Variants in ADAMTS16 observed in about 807,000 individuals in gnomAD.
ADAMTS16 encodes the protein ADAM metallopeptidase with thrombospondin type 1 motif 16, also known as A disintegrin and metalloproteinase with thrombospondin motifs 16.
A neutral mutation model predicts 145.8 loss-of-function variants in ADAMTS16; 94 were observed. The ratio of observed to expected loss-of-function variants is 0.64; its 90% confidence interval spans 0.55 to 0.77. The LOEUF (loss-of-function observed/expected upper bound fraction) is 0.77. Among genes scored for constraint, ADAMTS16 ranks in the 30% least tolerant of loss-of-function variants. ADAMTS16 has a pLI of 0.00. For synonymous variants in ADAMTS16, 659 were observed against 604.3 expected, an observed-to-expected ratio of 1.09 and a Z score of -1.33; for missense variants, 1,585 against 1,591.5, an observed-to-expected ratio of 1.00 and a Z score of 0.07.
rs1735490391 is a variant in ADAMTS16, at chr5:5,186,148, A to G, written c.860A>G (p.Asn287Ser). ...CGCTCTCTTCTGAGGTCCCATAGAA[A>G]TGAAGAACTGAACGTGGAGACCTTG... is the stretch of plus-strand genomic sequence containing the variant. ...HKRSLLRSHR[N>S]EELNVETLVV... The change falls in exon 5 of 23, where the codon AAT becomes AGT. Residue 287 changes from asparagine (N) to serine (S), a missense_variant. By Grantham distance (46) the Asn-to-Ser change is conservative. Transcript: ENST00000274181. 9 of 1,614,140 alleles carry G rather than the reference A, an allele frequency of 5.6e-6. No homozygotes were observed. Among genetic ancestry groups the G allele is most frequent in the Non-Finnish European group, 6.8e-6 (8 of 1,180,030 alleles).
chr5:5,238,427 A>T (rs1053987184), intron 14 of ADAMTS16, among the ~76,000 whole-genome samples: 1 of 152,192 alleles, frequency 6.6e-6, no homozygotes, highest in Non-Finnish European at 1.5e-5. Context: ...TGGGATTCTC[A>T]TATGCATTTC....
At chr5:5,286,147 C>A (rs1388216226) in intron 18 of ADAMTS16, among the ~76,000 whole-genome samples, 1 of 152,154 alleles carries the variant, frequency 6.6e-6, no homozygotes, top group Non-Finnish European at 1.5e-5. Flanking sequence ...AGAATGAGGT[C>A]TTTAAATACA....
At chr5:5,283,408 G>A (rs1035224127) in intron 18 of ADAMTS16, among the ~76,000 whole-genome samples, 2 of 152,146 alleles carry the variant, frequency 1.3e-5, no homozygotes, top group African/African-American at 4.8e-5. Context: ...GTTGACAAAT[G>A]TGTTTTTTAA....
At chr5:5,222,659 T>G in intron 10 of ADAMTS16, 130 bp from the exon 11 acceptor site, 2 of 703,954 alleles carry the variant, frequency 2.8e-6, no homozygotes, top group Non-Finnish European at 4.9e-6. Context: ...TATGCTATCA[T>G]ATTGCTAAGT....
rs11296432 is a variant in ADAMTS16, at chr5:5,254,606, AT to A, written c.2663-8050del. Among the ~76,000 whole-genome samples, 614 of 152,314 alleles carry A rather than the reference AT, an allele frequency of 4.0e-3. 3 individuals are homozygous for A. Among genetic ancestry groups the A allele is most frequent in the African/African-American group, 0.014 (583 of 41,576 alleles). On this transcript the variant is annotated intron_variant, in intron 17 of 22. Coordinates refer to ENST00000274181, the MANE Select transcript of ADAMTS16 (RefSeq NM_139056.4). ...TGTTTCATTAATATTTTTATAAAAA[AT>A]AGAGGGTAAATTTATGAAATGCTGA...
chr5:5,170,263 G>A (rs1024208464), intron 3 of ADAMTS16, among the ~76,000 whole-genome samples: 4 of 152,062 alleles, frequency 2.6e-5, no homozygotes, highest in Non-Finnish European at 5.9e-5. Flanking sequence ...ATAATATCAC[G>A]CTGTAGTTTT....
In ADAMTS16 at chr5:5,303,273, C is replaced by T. The variant is rs1466520997; in HGVS notation, c.2795C>T (p.Ser932Phe). 6.4e-7 allele frequency: 1 copy of T among 1,565,578 alleles called. No homozygotes were observed. Among genetic ancestry groups the T allele is most frequent in the Non-Finnish European group, 8.7e-7 (1 of 1,153,216 alleles). Residue 932 changes from serine (S) to phenylalanine (F), a missense_variant, in exon 19 of 23, where the codon TCC becomes TTC. Ser to Phe is a radical substitution (Grantham distance 155). Coordinates refer to ENST00000274181, the MANE Select transcript of ADAMTS16 (RefSeq NM_139056.4). ...CKVSACPPSW[S>F]VGNWSACSRT... Reference sequence around the variant, plus strand: ...GTCTCTTTGTCCCTGCCCAGCTGGTCCGTGGGGAACTGGAGTGCCTGCAGT... The same window carrying T: ...GTCTCTTTGTCCCTGCCCAGCTGGTTCGTGGGGAACTGGAGTGCCTGCAGT...
intron 6 of ADAMTS16, among the ~76,000 whole-genome samples, chr5:5,188,631 G>T (rs1735576519): frequency 6.6e-6 from 1 of 152,160 alleles, no homozygotes; most frequent in East Asian, 1.9e-4. Context: ...TTTAGCTACA[G>T]TTTTCTTATT....
intron 8 of ADAMTS16, among the ~76,000 whole-genome samples, chr5:5,193,800 G>A (rs1464049599): frequency 6.6e-6 from 1 of 152,162 alleles, no homozygotes; most frequent in Non-Finnish European, 1.5e-5. Context: ...TCAGAATCTA[G>A]ATGTGAATAA....
intron 2 of ADAMTS16, among the ~76,000 whole-genome samples, chr5:5,142,555 G>T (rs1734195360): frequency 6.6e-6 from 1 of 152,226 alleles, no homozygotes; most frequent in Non-Finnish European, 1.5e-5. Context: ...AGTGTTGCCT[G>T]TTTCCCTCTG....
rs1166581914 is a variant in ADAMTS16 at position 5,236,872 on chromosome 5, TG to T, written c.2024-92del. ...GTATTATTGTGTGGGAGTTATTTTA[TG>T]GGGGAAGAAAGAAAGTCTATCTAAA... On this transcript the variant is annotated intron_variant, in intron 13 of 22. Coordinates refer to ENST00000274181, the MANE Select transcript of ADAMTS16 (RefSeq NM_139056.4). 7.0e-6 allele frequency: 10 copies of T among 1,436,930 alleles called. No individual in the cohort carries two copies. The African/African-American group carries it at 1.1e-4, about 16-fold the overall frequency. The allele number at this position is 1,436,930 out of a possible 1,614,324, so 89.0% of individuals were successfully genotyped here.
At chr5:5,141,038 C>T (rs1273712499) in intron 2 of ADAMTS16, among the ~76,000 whole-genome samples, 2 of 152,042 alleles carry the variant, frequency 1.3e-5, no homozygotes, top group African/African-American at 4.8e-5. Context: ...TTATTTTATT[C>T]TAAAGAGCTT....
chr5:5,231,675 T>G (rs908726537), intron 11 of ADAMTS16, among the ~76,000 whole-genome samples: 1 of 152,226 alleles, frequency 6.6e-6, no homozygotes, highest in Admixed American at 6.5e-5. Flanking sequence ...TGTTAAATAG[T>G]GCATAGCACT....
chr5:5,181,713 C>A (rs980018810), intron 3 of ADAMTS16, among the ~76,000 whole-genome samples: 2 of 152,166 alleles, frequency 1.3e-5, no homozygotes, highest in Non-Finnish European at 2.9e-5. Context: ...CGTGTTCTTT[C>A]TTGCACCGTC....
Position 5,193,164 on chromosome 5 carries a change from C to G in ADAMTS16, c.1313+1374C>G, listed in dbSNP as rs7722576. On this transcript the variant is annotated intron_variant, in intron 8 of 22. Transcript: ENST00000274181. ...GTGTGTGTGTGTGTGTGTGTGTGTG[C>G]GCGCGCGCACATATACGTGTACATG... 1.5e-5 allele frequency among the ~76,000 whole-genome samples: 2 copies of G among 130,334 alleles called. 1 individual carries two copies. The highest frequency in any genetic ancestry group is 5.0e-4 in the South Asian group (2 of 4,004). 85.5% of individuals were successfully genotyped at this position (130,334 alleles called of 152,430 possible). A position where few individuals can be genotyped will look rare whatever the true frequency, so the allele number is the denominator to read the frequency against.
intron 14 of ADAMTS16, 118 bp from the exon 15 acceptor site, chr5:5,239,033 C>T: frequency 8.7e-7 from 1 of 1,149,142 alleles, no homozygotes; most frequent in Non-Finnish European, 1.2e-6. Context: ...GTTAACTACC[C>T]TATGTTGGTG....
At chr5:5,306,043 G>A (rs1390091991) in intron 20 of ADAMTS16, among the ~76,000 whole-genome samples, 4 of 152,140 alleles carry the variant, frequency 2.6e-5, no homozygotes, top group African/African-American at 7.2e-5. Flanking sequence ...TCCTTTCCTC[G>A]CAGGCAGCAC....
At chr5:5,276,650 C>A (rs2126462956) in intron 18 of ADAMTS16, among the ~76,000 whole-genome samples, 1 of 152,278 alleles carries the variant, frequency 6.6e-6, no homozygotes, top group South Asian at 2.1e-4. Context: ...CTAGCATGGA[C>A]AGTCTCTGGG....
At chr5:5,311,438 AAAAT>A (rs1740434861) in intron 21 of ADAMTS16, among the ~76,000 whole-genome samples, 2 of 152,162 alleles carry the variant, frequency 1.3e-5, no homozygotes, top group Admixed American at 1.3e-4. Flanking sequence ...AAATTTAACT[AAAAT>A]AAAACCAGCT....
Sources: allele counts gnomAD v4.1 joint callset (sites outside exome capture counted in the v4.1 genomes callset), GRCh38; gene constraint gnomAD v4.1.1; transcripts MANE v1.5; gene names NCBI Gene and HGNC (gene_info 2026-07-23, HGNC 2026-07-21).